FER1L5: variants seen among roughly 807,000 people sequenced by gnomAD.
The protein encoded by FER1L5 is fer-1-like protein 5.
A neutral mutation model predicts 279.9 loss-of-function variants in FER1L5; 187 were observed. That is an observed-to-expected ratio of 0.67 (90% confidence interval 0.59 to 0.75). The LOEUF is 0.75. FER1L5 is among the 30% of genes least tolerant of loss of function. The pLI is 0.00. For missense variants in FER1L5, 2,091 were observed against 2,594.4 expected (o/e 0.81, Z 4.21); for synonymous variants, 921 against 989.7 (o/e 0.93, Z 1.30).
chr2:96,693,467 C>A, intron 31 of FER1L5, 39 bp from the exon 32 acceptor site: 1 of 1,515,460 alleles, frequency 6.6e-7, no homozygotes, highest in Non-Finnish European at 8.9e-7. Context: ...CCCCTCTTCC[C>A]AGCTCAAGAC....
chr2:96,691,397 C>T lies in FER1L5; in HGVS notation c.2907+44C>T, dbSNP rs367805669. ...CCCTGGCTGGGACTGCGGGCAGGGCCGCCTTGGCTGCTGCAGGAACACAAC... is the reference window on the plus strand; with the variant it reads ...CCCTGGCTGGGACTGCGGGCAGGGCTGCCTTGGCTGCTGCAGGAACACAAC... On this transcript the variant is annotated intron_variant, in intron 28 of 52. Transcript: ENST00000624922. This position sits in a 1 kb window ranked among gnomAD's most constrained non-coding sequence, Gnocchi z 6.0. The T allele has an allele frequency of 2.5e-4, 383 of 1,536,144 alleles. No individual in the cohort carries two copies. The highest frequency in any genetic ancestry group is 7.8e-4 in the Admixed American group (39 of 49,900).
rs1230650482 is a variant in FER1L5, at chr2:96,684,308, A to T, written c.1670-19A>T. 5 of 1,549,962 alleles carry T rather than the reference A, an allele frequency of 3.2e-6. No individual in the cohort carries two copies. Among genetic ancestry groups the T allele is most frequent in the Non-Finnish European group, 4.4e-6 (5 of 1,145,764 alleles). ...AATCCCCCAGACACCCCATCCCTCC[A>T]TGTGTCTCTGTGTCTCAGGGAACAT... On this transcript the variant is annotated intron_variant, in intron 19 of 52. Transcript: ENST00000624922.
Position 96,699,056 on chromosome 2 carries a change from T to A in FER1L5, c.4530T>A (p.Tyr1510Ter). The change falls in exon 42 of 53, where the codon TAT becomes TAA. Residue 1510 changes from tyrosine to a stop codon, truncating the protein, a stop_gained. Transcript: ENST00000624922. LOFTEE classifies it high-confidence loss of function. ...PQDYNGLCDP[Y>*]VILKLGKTEL... ...GTATCTGACCCCAGTGTGACCCTTA[T>A]GTGATCCTGAAACTGGGCAAGACAG... 6.2e-7 allele frequency: 1 copy of A among 1,610,570 alleles called. No homozygotes were observed. The highest frequency in any genetic ancestry group is 1.7e-5 in the Admixed American group (1 of 59,482).
rs375989627 is a variant in FER1L5, at chr2:96,686,593, A to T, written c.2229+243A>T. Among the ~76,000 whole-genome samples the T allele has an allele frequency of 2.2e-4, 33 of 152,118 alleles. No individual in the cohort carries two copies. In the East Asian group the frequency reaches 5.4e-3, roughly 25 times the overall value. On this transcript the variant is annotated intron_variant, in intron 23 of 52. Coordinates refer to ENST00000624922, the MANE Select transcript of FER1L5 (RefSeq NM_001293083.2). ...ACCTCCTCGCTGGGCACGGTGGCTC[A>T]CAGGTAATCCCAGCACTTTGGGAGG...
At chr2:96,680,503 A>ATTCTAGATGATATC (rs2076679719) in intron 19 of FER1L5, among the ~76,000 whole-genome samples, 1 of 151,428 alleles carries the variant, frequency 6.6e-6, no homozygotes, top group African/African-American at 2.4e-5. Flanking sequence ...TCTGGGCTGC[A>ATTCTAGATGATATC]TTCTAGATGA....
chr2:96,653,672 A>G lies in FER1L5; in HGVS notation c.666A>G (p.Ala222=). The part of the protein sequence containing the change: ...IFFQNFHEVP[A]KFFDETILIQ... Reference sequence around the variant, plus strand: ...TCCAGAATTTTCATGAGGTTCCTGCAAAGTTCTTTGATGAGACCATCTTAA... The same window carrying G: ...TCCAGAATTTTCATGAGGTTCCTGCGAAGTTCTTTGATGAGACCATCTTAA... Residue 222 remains alanine (A), a synonymous_variant, in exon 8 of 53, where the codon GCA becomes GCG. Coordinates refer to ENST00000624922, the MANE Select transcript of FER1L5 (RefSeq NM_001293083.2). 1 of 1,551,504 alleles carries G rather than the reference A, an allele frequency of 6.4e-7. No individual in the cohort carries two copies. The highest frequency in any genetic ancestry group is 8.7e-7 in the Non-Finnish European group (1 of 1,146,956).
At chr2:96,690,458 C>T (rs1161611611) in intron 26 of FER1L5, 29 bp from the exon 27 acceptor site, 2 of 1,546,190 alleles carry the variant, frequency 1.3e-6, no homozygotes, top group Non-Finnish European at 1.7e-6. Flanking sequence ...CTCATGTGCC[C>T]CTCGCTCGCC....
chr2:96,663,261 C>A (rs189185515), intron 13 of FER1L5, among the ~76,000 whole-genome samples, 178 bp from the exon 14 acceptor site: 1 of 152,296 alleles, frequency 6.6e-6, no homozygotes, highest in Non-Finnish European at 1.5e-5. Flanking sequence ...GGTAAGTACA[C>A]AAAGGACTGG....
intron 51 of FER1L5, among the ~76,000 whole-genome samples, chr2:96,703,860 G>A (rs2077683546): frequency 7.0e-6 from 1 of 141,874 alleles, no homozygotes; most frequent in Admixed American, 8.0e-5. Flanking sequence ...CTGTCACCCA[G>A]GCTGGAGTGT....
At chr2:96,668,297 G>A (rs1162948721) in intron 14 of FER1L5, among the ~76,000 whole-genome samples, 1 of 152,022 alleles carries the variant, frequency 6.6e-6, no homozygotes, top group Non-Finnish European at 1.5e-5. Context: ...CCCTACGCAG[G>A]AGGATTGCTT....
chr2:96,646,380 A>C, intron 1 of FER1L5, 21 bp from the exon 2 acceptor site: 1 of 1,551,378 alleles, frequency 6.4e-7, no homozygotes. Context: ...CATCAATGCC[A>C]GCCTCTTGGT....
intron 20 of FER1L5, 129 bp downstream of exon 20, chr2:96,684,580 GAGA>G (rs1340073604): frequency 2.2e-6 from 3 of 1,342,792 alleles, no homozygotes; most frequent in Non-Finnish European, 3.0e-6. Context: ...CCACACTGTT[GAGA>G]AGAATGTGCC....
intron 3 of FER1L5, among the ~76,000 whole-genome samples, chr2:96,647,385 G>T (rs1370203264): frequency 1.3e-5 from 2 of 152,162 alleles, no homozygotes; most frequent in Non-Finnish European, 2.9e-5. Flanking sequence ...CTGAAGCCAC[G>T]TATCTCAAAT....
At chr2:96,688,958 T>G (rs774757753) in intron 24 of FER1L5, 1 of 433,908 alleles carries the variant, frequency 2.3e-6, no homozygotes, top group Non-Finnish European at 4.2e-6. Context: ...CTCCAAGCAC[T>G]ACATAGATGT....
chr2:96,659,694 C>T lies in FER1L5; in HGVS notation c.748-647C>T, dbSNP rs190681804. ...TTTTAGTAGAGACAAGGTTTCACTG[C>T]GTTAGCCAGGATGGTCTCGATCTCC... On this transcript the variant is annotated intron_variant, in intron 9 of 52. Coordinates refer to ENST00000624922, the MANE Select transcript of FER1L5 (RefSeq NM_001293083.2). 9.9e-3 allele frequency among the ~76,000 whole-genome samples: 1,472 copies of T among 149,018 alleles called. 16 individuals carry two copies. The highest frequency in any genetic ancestry group is 0.024 in the Middle Eastern group (7 of 292).
chr2:96,684,162 G>A (rs1488174439), intron 19 of FER1L5, among the ~76,000 whole-genome samples, 165 bp from the exon 20 acceptor site: 1 of 152,212 alleles, frequency 6.6e-6, no homozygotes, highest in East Asian at 1.9e-4. Context: ...TTCTCAGTTG[G>A]GCCCCAGCCC....
intron 20 of FER1L5, 111 bp from the exon 21 acceptor site, chr2:96,685,218 A>T (rs2076876413): frequency 1.1e-6 from 1 of 918,374 alleles, no homozygotes; most frequent in East Asian, 2.7e-5. Context: ...TTATCCCTCA[A>T]AGTTCCCAAG....
rs1011469043 is a variant in FER1L5 at position 96,689,473 on chromosome 2, C to T, written c.2525+97C>T. 2 of 1,516,322 alleles carry T rather than the reference C, an allele frequency of 1.3e-6. No homozygotes were observed. The highest frequency in any genetic ancestry group is 1.8e-6 in the Non-Finnish European group (2 of 1,126,334). 93.9% of individuals were successfully genotyped at this position (1,516,322 alleles called of 1,614,324 possible). ...AAAGATGGGTACCTAGCCCCTAAGC[C>T]TGGTGCCAGAGGGCCGAGGTGCACC... On this transcript the variant is annotated intron_variant, in intron 25 of 52. Coordinates refer to ENST00000624922, the MANE Select transcript of FER1L5 (RefSeq NM_001293083.2). The surrounding 1 kb of genome is among the most constrained non-coding windows in gnomAD (Gnocchi z 4.6).
intron 24 of FER1L5, among the ~76,000 whole-genome samples, chr2:96,688,508 G>A (rs1206072370): frequency 6.6e-6 from 1 of 152,222 alleles, no homozygotes; most frequent in African/African-American, 2.4e-5. Context: ...CAGAGGAGGG[G>A]AGATGTCCTT....
Sources: allele counts gnomAD v4.1 joint callset (sites outside exome capture counted in the v4.1 genomes callset), GRCh38; gene constraint gnomAD v4.1.1; non-coding constraint Gnocchi (gnomAD v3.1); transcripts MANE v1.5; gene names NCBI Gene and HGNC (gene_info 2026-07-23, HGNC 2026-07-21).